OSBPL3: variants seen among roughly 807,000 people sequenced by gnomAD.
The protein encoded by OSBPL3 is oxysterol binding protein like 3.
Under a neutral mutation model 120.1 loss-of-function variants are expected in OSBPL3, and 65 were observed. The ratio of observed to expected loss-of-function variants is 0.54; its 90% CI spans 0.44 to 0.67. The LOEUF (loss-of-function observed/expected upper bound fraction) is 0.67, where lower values mean the gene tolerates loss of function less well. Among genes scored for constraint, OSBPL3 ranks in the 30% least tolerant of loss-of-function variants. The probability of loss-of-function intolerance (pLI) is 0.00; values close to 1 mark genes in which losing one functional copy is unlikely to be tolerated. For missense variants in OSBPL3, 1,004 were observed against 1,082.1 expected (o/e 0.93, Z 1.01); for synonymous variants, 416 against 402.6 (o/e 1.03, Z -0.40).
In OSBPL3 at chr7:24,913,788, T is replaced by TAACA. The variant is rs1372802629; in HGVS notation, c.-149-21171_-149-21168dup. Among the ~76,000 whole-genome samples the TAACA allele has an allele frequency of 6.6e-6, 1 of 152,042 alleles. No homozygotes were observed. The highest frequency in any genetic ancestry group is 1.5e-5 in the Non-Finnish European group (1 of 68,010). ...AGAGAAATTAAATATCTTACTAAGG[T>TAACA]AACAGGGTCAGTCAGTGGGGATACA... On this transcript the variant is annotated intron_variant, in intron 1 of 22. Coordinates refer to ENST00000313367, the MANE Select transcript of OSBPL3 (RefSeq NM_015550.4). The surrounding 1 kb of genome is among the most constrained non-coding windows in gnomAD (Gnocchi z 5.3).
chr7:24,942,357 G>A (rs1407757943), intron 1 of OSBPL3, among the ~76,000 whole-genome samples: 1 of 152,178 alleles, frequency 6.6e-6, no homozygotes, highest in Non-Finnish European at 1.5e-5. Context: ...ACGGCACTAA[G>A]TGCACTTGTA....
At position 24,820,338 on chromosome 7, in the gene OSBPL3, T is replaced by C. The variant is rs964846275; in HGVS notation, c.1885-100A>G. Reference sequence around the variant, plus strand: ...TGCACTGAGATGTAACAGCGTGCAATGCTGAACTGAAGGAAAAACTTCTTT... The same window carrying C: ...TGCACTGAGATGTAACAGCGTGCAACGCTGAACTGAAGGAAAAACTTCTTT... On this transcript the variant is annotated intron_variant, in intron 16 of 22. Coordinates refer to ENST00000313367, the MANE Select transcript of OSBPL3 (RefSeq NM_015550.4). The surrounding 1 kb of genome is among the most constrained non-coding windows in gnomAD (Gnocchi z 4.6). 4.6e-6 allele frequency: 4 copies of C among 862,842 alleles called. No individual in the cohort carries two copies. The highest frequency in any genetic ancestry group is 1.7e-5 in the African/African-American group (1 of 58,892). The allele number at this position is 862,842 out of a possible 1,614,324, so 53.4% of individuals were successfully genotyped here. A position where few individuals can be genotyped will look rare whatever the true frequency, so the allele number is the denominator to read the frequency against.
chr7:24,808,786 C>T lies in OSBPL3; in HGVS notation c.2317+1021G>A, dbSNP rs188935813. ...TACTCTGTTGCCCGTGACTGGTTCA[C>T]GGATGGGTCTGAACCCACTGCAGGC... On this transcript the variant is annotated intron_variant, in intron 20 of 22. Coordinates refer to ENST00000313367, the MANE Select transcript of OSBPL3 (RefSeq NM_015550.4). The surrounding 1 kb of genome is among the most constrained non-coding windows in gnomAD (Gnocchi z 4.6). 3.3e-5 allele frequency among the ~76,000 whole-genome samples: 5 copies of T among 152,328 alleles called. No homozygotes were observed. Among genetic ancestry groups the T allele is most frequent in the South Asian group, 4.1e-4 (2 of 4,832 alleles).
In OSBPL3 at chr7:24,834,759, T is replaced by C. The variant is rs767267452; in HGVS notation, c.1496-23A>G. 6.4e-7 allele frequency: 1 copy of C among 1,565,710 alleles called. No homozygotes were observed. On this transcript the variant is annotated intron_variant, in intron 14 of 22. Coordinates refer to ENST00000313367, the MANE Select transcript of OSBPL3 (RefSeq NM_015550.4). The surrounding 1 kb of genome is among the most constrained non-coding windows in gnomAD (Gnocchi z 5.2). ...GCCCTGAAAGGGAAAGAGGCCTGGT[T>C]GTCTCTATAAAGCTTTTCATTTTAT...
chr7:24,874,366 A>G (rs1324842660), intron 2 of OSBPL3, among the ~76,000 whole-genome samples: 1 of 152,248 alleles, frequency 6.6e-6, no homozygotes, highest in African/African-American at 2.4e-5. Context: ...CAACCTGCAG[A>G]GCACTAATAC....
chr7:24,800,424 G>A lies in OSBPL3; in HGVS notation c.2568-145C>T, dbSNP rs1792163891. On this transcript the variant is annotated intron_variant, in intron 22 of 22. Transcript: ENST00000313367. ...AGAGTGTTGGGACCGGGAATTCTGG[G>A]AATTAGATGTCCAGAAATAATTTTG... is the stretch of plus-strand genomic sequence containing the variant. 8.2e-6 allele frequency: 4 copies of A among 485,562 alleles called. No homozygotes were observed. The South Asian group carries it at 1.2e-4, about 14-fold the overall frequency. The allele number at this position is 485,562 out of a possible 1,614,324, so 30.1% of individuals were successfully genotyped here.
intron 1 of OSBPL3, among the ~76,000 whole-genome samples, chr7:24,963,078 A>C (rs1242332897): frequency 6.6e-6 from 1 of 152,196 alleles, no homozygotes; most frequent in Non-Finnish European, 1.5e-5. Flanking sequence ...AAGGAAAATA[A>C]GCTTCTTGGC....
chr7:24,915,257 G>T (rs140779541), intron 1 of OSBPL3, among the ~76,000 whole-genome samples: 337 of 152,242 alleles, frequency 2.2e-3, no homozygotes, highest in African/African-American at 7.8e-3. Flanking sequence ...TCTCCAACAT[G>T]TAAGTTTTTC....
At position 24,867,513 on chromosome 7, in the gene OSBPL3, G is replaced by A. The variant is rs1211818539; in HGVS notation, c.382-1276C>T. On this transcript the variant is annotated intron_variant, in intron 5 of 22. Coordinates refer to ENST00000313367, the MANE Select transcript of OSBPL3 (RefSeq NM_015550.4). The surrounding 1 kb of genome is among the most constrained non-coding windows in gnomAD (Gnocchi z 4.5). ...TCATTCCCATGGTGTTCTCGTGGTG[G>A]TGCGTGGGTCTCGCAAGATCTGGTG... Among the ~76,000 whole-genome samples, 1 of 152,140 alleles carries A rather than the reference G, an allele frequency of 6.6e-6. No individual in the cohort carries two copies. The highest frequency in any genetic ancestry group is 2.4e-5 in the African/African-American group (1 of 41,422).
intron 1 of OSBPL3, among the ~76,000 whole-genome samples, chr7:24,910,710 GGGCAGTCAC>G (rs1331428533): frequency 6.6e-6 from 1 of 152,226 alleles, no homozygotes; most frequent in South Asian, 2.1e-4. Context: ...TAGGTGCTAT[GGGCAGTCAC>G]AAGGGAAGAG....
chr7:24,866,689 C>G (rs13245133), intron 5 of OSBPL3, among the ~76,000 whole-genome samples: 14,780 of 152,110 alleles, frequency 0.097, 1,030 homozygotes, highest in East Asian at 0.26. Context: ...GAGAAATAGC[C>G]TCTCATTGAC....
Position 24,855,821 on chromosome 7 carries a change from G to C in OSBPL3, c.1028-3187C>G, listed in dbSNP as rs1450390254. Among the ~76,000 whole-genome samples, 1 of 152,164 alleles carries C rather than the reference G, an allele frequency of 6.6e-6. No individual in the cohort carries two copies. Among genetic ancestry groups the C allele is most frequent in the Admixed American group, 6.5e-5 (1 of 15,280 alleles). On this transcript the variant is annotated intron_variant, in intron 10 of 22. Transcript: ENST00000313367. This position sits in a 1 kb window ranked among gnomAD's most constrained non-coding sequence, Gnocchi z 4.3. ...TTTAAAAAATAGAAGATTCAAATGA[G>C]TGCATCACATCTATGGTTACCTGAC...
chr7:24,857,851 T>C (rs1034395790), intron 10 of OSBPL3, among the ~76,000 whole-genome samples: 9 of 152,230 alleles, frequency 5.9e-5, no homozygotes, highest in Admixed American at 4.6e-4. Flanking sequence ...ACTGTTCTTA[T>C]GTAAATCCAA....
At position 24,966,061 on chromosome 7, in the gene OSBPL3, G is replaced by C. The variant is rs1816343500; in HGVS notation, c.-150+13825C>G. On this transcript the variant is annotated intron_variant, in intron 1 of 22. Transcript: ENST00000313367. This position sits in a 1 kb window ranked among gnomAD's most constrained non-coding sequence, Gnocchi z 4.8. ...TCTCACACAAGTCATCTGAGAGAGA[G>C]GAGAAACAGTACTGTTAAAAGGATG... 6.6e-6 allele frequency among the ~76,000 whole-genome samples: 1 copy of C among 152,154 alleles called. No homozygotes were observed. Among genetic ancestry groups the C allele is most frequent in the Non-Finnish European group, 1.5e-5 (1 of 68,026 alleles).
chr7:24,840,316 A>T (rs1797584042), intron 14 of OSBPL3, among the ~76,000 whole-genome samples: 1 of 152,184 alleles, frequency 6.6e-6, no homozygotes, highest in African/African-American at 2.4e-5. Flanking sequence ...TTGAGATAGC[A>T]AGACCAACCC....
At chr7:24,897,888 C>A (rs1262083184) in intron 1 of OSBPL3, among the ~76,000 whole-genome samples, 1 of 152,160 alleles carries the variant, frequency 6.6e-6, no homozygotes, top group Non-Finnish European at 1.5e-5. Flanking sequence ...CACTCAGACA[C>A]TTGGCCATGT....
Position 24,849,490 on chromosome 7 carries a change from T to C in OSBPL3, c.1159-314A>G, listed in dbSNP as rs1483949589. 6.6e-6 allele frequency among the ~76,000 whole-genome samples: 1 copy of C among 152,140 alleles called. No individual in the cohort carries two copies. Among genetic ancestry groups the C allele is most frequent in the Non-Finnish European group, 1.5e-5 (1 of 68,002 alleles). On this transcript the variant is annotated intron_variant, in intron 11 of 22. Transcript: ENST00000313367. The surrounding 1 kb of genome is among the most constrained non-coding windows in gnomAD (Gnocchi z 5.4). Reference sequence around the variant, plus strand: ...TGTCGGCTTCTGTTAAGACCAGTGGTTCCACAGCATCTCCTCCTCCTCCCC... The same window carrying C: ...TGTCGGCTTCTGTTAAGACCAGTGGCTCCACAGCATCTCCTCCTCCTCCCC...
At chr7:24,941,538 C>G (rs971913285) in intron 1 of OSBPL3, among the ~76,000 whole-genome samples, 1 of 152,178 alleles carries the variant, frequency 6.6e-6, no homozygotes, top group Non-Finnish European at 1.5e-5. Flanking sequence ...TAAAGCATCT[C>G]TTTGAATACT....
chr7:24,854,692 G>A lies in OSBPL3; in HGVS notation c.1028-2058C>T, dbSNP rs1799617529. Among the ~76,000 whole-genome samples, 3 of 149,864 alleles carry A rather than the reference G, an allele frequency of 2.0e-5. No individual in the cohort carries two copies. Among genetic ancestry groups the A allele is most frequent in the African/African-American group, 7.3e-5 (3 of 41,280 alleles). On this transcript the variant is annotated intron_variant, in intron 10 of 22. Transcript: ENST00000313367. The surrounding 1 kb of genome is among the most constrained non-coding windows in gnomAD (Gnocchi z 4.1). ...CAGGACAACAGAGTAATCAACAGCT[G>A]GGGCTCCACCATCAGCCCTGGATTC...
Sources: gnomAD v4.1 joint callset for allele counts (sites outside exome capture counted in the v4.1 genomes callset) on GRCh38, gnomAD v4.1.1 for gene constraint, Gnocchi (gnomAD v3.1) non-coding constraint, MANE v1.5 for transcripts, NCBI Gene and HGNC (gene_info 2026-07-23, HGNC 2026-07-21) for gene names.